The following FLT3 variants were observed in gnomAD, a reference collection of about 807,000 sequenced individuals.
FLT3 encodes the protein receptor-type tyrosine-protein kinase FLT3.
In FLT3, 46 loss-of-function variants were observed where a neutral mutation model predicts 126.6. The ratio of observed to expected loss-of-function variants is 0.36; its 90% CI spans 0.29 to 0.46. FLT3 has a LOEUF of 0.46. FLT3 is among the 20% of genes least tolerant of loss of function. The pLI is 1.00. For missense variants in FLT3, 1,069 were observed against 1,190.3 expected, an observed-to-expected ratio of 0.90 and a Z score of 1.50; for synonymous variants, 404 against 434.4, an observed-to-expected ratio of 0.93 and a Z score of 0.87.
intron 23 of FLT3, among the ~76,000 whole-genome samples, chr13:28,010,757 C>T (rs1009248481): frequency 2.1e-4 from 32 of 151,976 alleles, no homozygotes; most frequent in Non-Finnish European, 4.3e-4. Flanking sequence ...CTGTAATCCC[C>T]CCACCTTGGG....
At chr13:28,006,320 G>A (rs1012940131) in intron 23 of FLT3, among the ~76,000 whole-genome samples, 9 of 141,728 alleles carry the variant, frequency 6.4e-5, no homozygotes, top group African/African-American at 2.8e-4. Flanking sequence ...GTGTGTGTGT[G>A]TGTGTGTGTG....
At chr13:28,010,822 C>T (rs955311720) in intron 23 of FLT3, among the ~76,000 whole-genome samples, 2 of 152,076 alleles carry the variant, frequency 1.3e-5, no homozygotes, top group African/African-American at 4.8e-5. Flanking sequence ...GCCTGGCCAA[C>T]ATGGTAAAAC....
intron 22 of FLT3, 45 bp downstream of exon 22, chr13:28,015,112 G>A (rs1340125223): frequency 1.6e-6 from 2 of 1,214,110 alleles, no homozygotes; most frequent in South Asian, 1.2e-5. Context: ...TAGACAGACT[G>A]TACCTTTCTG....
intron 5 of FLT3, among the ~76,000 whole-genome samples, chr13:28,051,426 G>C (rs553364398): frequency 5.3e-5 from 8 of 151,676 alleles, no homozygotes; most frequent in Admixed American, 1.3e-4. Context: ...TAGTAGAGAC[G>C]GGGTTTGACC....
chr13:28,023,207 T>A, intron 19 of FLT3, 143 bp downstream of exon 19: 1 of 801,200 alleles, frequency 1.2e-6, no homozygotes, highest in Non-Finnish European at 1.9e-6. Flanking sequence ...AGAGCCAAGG[T>A]AACACGCTAG....
chr13:28,006,710 T>G (rs899408380), intron 23 of FLT3, among the ~76,000 whole-genome samples: 1 of 151,914 alleles, frequency 6.6e-6, no homozygotes, highest in Non-Finnish European at 1.5e-5. Flanking sequence ...TTCCATTTCT[T>G]TAAGTGACCT....
chr13:28,032,532 CCTGGGAAGTGGAG>C (rs1414981946), intron 15 of FLT3, among the ~76,000 whole-genome samples: 2 of 152,170 alleles, frequency 1.3e-5, no homozygotes, highest in African/African-American at 2.4e-5. Flanking sequence ...ATGGCTTGAG[CCTGGGAAGTGGAG>C]GTTGCAGTGA....
chr13:28,049,651 T>C lies in FLT3; in HGVS notation c.866A>G (p.Asn289Ser). 6.2e-7 allele frequency: 1 copy of C among 1,614,198 alleles called. No homozygotes were observed. Among genetic ancestry groups the C allele is most frequent in the East Asian group, 2.2e-5 (1 of 44,890 alleles). Residue 289 changes from asparagine to serine, a missense_variant, in exon 7 of 24, where the codon AAC (asparagine) becomes AGC (serine). Transcript: ENST00000241453. ...HGFGLTWELE[N>S]KALEEGNYFE... Reference sequence around the variant, plus strand: ...TCCTATTACCTCCTCGAGTGCTTTGTTTTCTAATTCCCAGGTGAGCCCGAA... The same window carrying C: ...TCCTATTACCTCCTCGAGTGCTTTGCTTTCTAATTCCCAGGTGAGCCCGAA...
intron 9 of FLT3, among the ~76,000 whole-genome samples, chr13:28,045,690 T>C (rs540328216): frequency 6.6e-6 from 1 of 152,090 alleles, no homozygotes; most frequent in Admixed American, 6.6e-5. Flanking sequence ...AGAAACCCCG[T>C]CTCTATTAAA....
In FLT3 at chr13:28,035,504, T is replaced by G. The variant is rs1289193122; in HGVS notation, c.1588A>C (p.Asn530His). 1 of 1,613,132 alleles carries G rather than the reference T, an allele frequency of 6.2e-7. No individual in the cohort carries two copies. Among genetic ancestry groups the G allele is most frequent in the Non-Finnish European group, 8.5e-7 (1 of 1,179,758 alleles). Residue 530 changes from asparagine to histidine, a missense_variant, in exon 12 of 24, where the codon AAC (asparagine) becomes CAC (histidine). By Grantham distance (68) the Asn-to-His change is moderately conservative. Coordinates refer to ENST00000241453, the MANE Select transcript of FLT3 (RefSeq NM_004119.3). ...AGAACAACTGTTGTACCTGGAGAGTTTAAAAGGATCGTCTCACAAGATGTG... is the reference window on the plus strand; with the variant it reads ...AGAACAACTGTTGTACCTGGAGAGTGTAAAAGGATCGTCTCACAAGATGTG... ...LGTSCETILL[N>H]SPGPFPFIQD... is the part of the protein sequence containing the mutation.
chr13:28,036,721 T>C (rs1333809990), intron 10 of FLT3, among the ~76,000 whole-genome samples: 2 of 152,228 alleles, frequency 1.3e-5, no homozygotes, highest in African/African-American at 2.4e-5. Context: ...CTCTCGCCTG[T>C]AATCCTAGCA....
At position 28,028,027 on chromosome 13, in the gene FLT3, G is replaced by T. The variant is rs538296870; in HGVS notation, c.2053+151C>A. 4.2e-5 allele frequency: 25 copies of T among 597,926 alleles called. No homozygotes were observed. The South Asian group carries it at 4.8e-4, about 12-fold the overall frequency. The allele number at this position is 597,926 out of a possible 1,614,324, so 37.0% of individuals were successfully genotyped here. On this transcript the variant is annotated intron_variant, in intron 16 of 23. Coordinates refer to ENST00000241453, the MANE Select transcript of FLT3 (RefSeq NM_004119.3). ...ACCCCTCTGATTTATAGAGTGCTCA[G>T]TGTCTAATTCCACTTGGGTTTGAGA...
chr13:28,100,147 C>G lies in FLT3; in HGVS notation c.43+321G>C, dbSNP rs1593316969. Among the ~76,000 whole-genome samples the G allele has an allele frequency of 6.6e-6, 1 of 152,110 alleles. No homozygotes were observed. The highest frequency in any genetic ancestry group is 2.4e-5 in the African/African-American group (1 of 41,450). On this transcript the variant is annotated intron_variant, in intron 1 of 23. Coordinates refer to ENST00000241453, the MANE Select transcript of FLT3 (RefSeq NM_004119.3). This position sits in a 1 kb window ranked among gnomAD's most constrained non-coding sequence, Gnocchi z 4.8. ...CGGCCCAGCACCCGAGCGCGCGGGC[C>G]GAGCTGCCCCAGACCCGGCGCAGCG...
Position 28,037,199 on chromosome 13 carries a change from G to A in FLT3, c.1295C>T (p.Thr432Met), listed in dbSNP as rs201905189. ...ATTTAACTTACTTCTTATATTCAGC[G>A]TGAACATTTTGGTAAATTGGGCATC... is the stretch of plus-strand genomic sequence containing the variant. ...NDDAQFTKMFTLNIRRKPQVL... is the reference protein window; with the variant it reads ...NDDAQFTKMFMLNIRRKPQVL... Residue 432 changes from threonine to methionine, a missense_variant, in exon 10 of 24, where the codon ACG becomes ATG. Thr to Met is a moderately conservative substitution (Grantham distance 81). Transcript: ENST00000241453. The A allele has an allele frequency of 6.8e-5, 107 of 1,577,848 alleles. 2 individuals are homozygous for A. The Middle Eastern group carries it at 1.7e-3, about 25-fold the overall frequency.
At chr13:28,091,359 C>A (rs953009347) in intron 1 of FLT3, among the ~76,000 whole-genome samples, 2 of 148,772 alleles carry the variant, frequency 1.3e-5, no homozygotes, top group Non-Finnish European at 3.0e-5. Context: ...GTAGCTGGGA[C>A]TACAGGCGCC....
rs1283700286 is a variant in FLT3 at position 28,003,629 on chromosome 13, T to G, written c.*423A>C. On this transcript the variant is annotated 3_prime_UTR_variant, in exon 24 of 24. Transcript: ENST00000241453. ...TAATGGGCAATTCTGTAGTAGAAAT[T>G]TTATTCCCACCCATAAAATATATCA... 1 of 247,532 alleles carries G rather than the reference T, an allele frequency of 4.0e-6. No individual in the cohort carries two copies. Among genetic ancestry groups the G allele is most frequent in the Non-Finnish European group, 8.0e-6 (1 of 125,530 alleles). 15.3% of individuals were successfully genotyped at this position (247,532 alleles called of 1,614,324 possible).
chr13:28,046,987 C>G (rs1874942421), intron 9 of FLT3, among the ~76,000 whole-genome samples: 1 of 152,010 alleles, frequency 6.6e-6, no homozygotes, highest in Non-Finnish European at 1.5e-5. Context: ...GAGTACATCT[C>G]AATTTGGACC....
At chr13:28,005,448 T>A (rs1228495865) in intron 23 of FLT3, among the ~76,000 whole-genome samples, 1 of 152,350 alleles carries the variant, frequency 6.6e-6, no homozygotes, top group East Asian at 1.9e-4. Flanking sequence ...GAACCTTATT[T>A]TGAATTATCA....
rs1006191383 is a variant in FLT3 at position 28,070,626 on chromosome 13, T to A, written c.44-14A>T. On this transcript the variant is annotated splice_polypyrimidine_tract_variant and intron_variant, in intron 1 of 23. Coordinates refer to ENST00000241453, the MANE Select transcript of FLT3 (RefSeq NM_004119.3). ...CAGAAAAAACAACTGTAAAACAAAA[T>A]AAAAATGATAATGTTGATACATGCA... 6.3e-7 allele frequency: 1 copy of A among 1,578,896 alleles called. No homozygotes were observed. Among genetic ancestry groups the A allele is most frequent in the Non-Finnish European group, 8.7e-7 (1 of 1,154,104 alleles).
Sources: gnomAD v4.1 joint callset for allele counts (sites outside exome capture counted in the v4.1 genomes callset) on GRCh38, gnomAD v4.1.1 for gene constraint, Gnocchi (gnomAD v3.1) non-coding constraint, MANE v1.5 for transcripts, NCBI Gene and HGNC (gene_info 2026-07-23, HGNC 2026-07-21) for gene names.